LGR4: variants seen among roughly 807,000 people sequenced by gnomAD.
LGR4 encodes the protein leucine rich repeat containing G protein-coupled receptor 4.
In LGR4, 44 loss-of-function variants were observed where a neutral mutation model predicts 84.8. The observed-to-expected ratio is 0.52, with a 90% CI of 0.41 to 0.67. The LOEUF is 0.67. Ranked by LOEUF, LGR4 falls within the 30% of genes least tolerant of loss-of-function variation. The probability of loss-of-function intolerance (pLI) is 0.00; values close to 1 mark genes in which losing one functional copy is unlikely to be tolerated. For missense variants in LGR4, 1,032 were observed against 1,131.4 expected (o/e 0.91, Z 1.26); for synonymous variants, 429 against 434.3 (o/e 0.99, Z 0.15).
intron 1 of LGR4, among the ~76,000 whole-genome samples, chr11:27,423,572 C>A (rs1863963421): frequency 6.6e-6 from 1 of 152,204 alleles, no homozygotes; most frequent in Non-Finnish European, 1.5e-5. Flanking sequence ...TTTCTATTAA[C>A]TGTAAGACAA....
chr11:27,430,498 C>G (rs1009410417), intron 1 of LGR4, among the ~76,000 whole-genome samples: 1 of 152,200 alleles, frequency 6.6e-6, no homozygotes, highest in African/African-American at 2.4e-5. Flanking sequence ...CTGTGCTTCT[C>G]TGTTTTCTAA....
intron 2 of LGR4, among the ~76,000 whole-genome samples, chr11:27,408,549 C>T (rs1488951369): frequency 1.3e-5 from 2 of 152,082 alleles, no homozygotes; most frequent in African/African-American, 4.8e-5. Flanking sequence ...CCAACATTTT[C>T]ACAGCTCCAA....
intron 1 of LGR4, among the ~76,000 whole-genome samples, chr11:27,459,099 T>A (rs1354288444): frequency 3.3e-5 from 5 of 152,188 alleles, no homozygotes; most frequent in Non-Finnish European, 7.3e-5. Flanking sequence ...AAGGCAATAA[T>A]TTCTTTTAGC....
At chr11:27,403,849 T>A (rs984428810) in intron 2 of LGR4, among the ~76,000 whole-genome samples, 5 of 152,324 alleles carry the variant, frequency 3.3e-5, no homozygotes, top group South Asian at 2.1e-4. Context: ...ATGATTTTTT[T>A]AAAAAGCTGA....
chr11:27,376,645 T>C lies in LGR4; in HGVS notation c.1110-275A>G, dbSNP rs1023506182. Among the ~76,000 whole-genome samples the C allele has an allele frequency of 2.0e-5, 3 of 152,254 alleles. No homozygotes were observed. The South Asian group carries it at 6.2e-4, about 32-fold the overall frequency. On this transcript the variant is annotated intron_variant, in intron 12 of 17. Coordinates refer to ENST00000379214, the MANE Select transcript of LGR4 (RefSeq NM_018490.5). ...ATATTATACTGGGAATTAACTGGTA[T>C]GCTATCTAAATTCCCCCATCAACCC...
intron 7 of LGR4, 79 bp downstream of exon 7, chr11:27,382,109 T>C: frequency 1.1e-6 from 1 of 924,388 alleles, no homozygotes; most frequent in Non-Finnish European, 1.8e-6. Flanking sequence ...GAACAAGATG[T>C]TCTAAAATCC....
intron 1 of LGR4, among the ~76,000 whole-genome samples, chr11:27,437,660 A>AGTGTGTGTGTGTGT (rs10659033): frequency 0.015 from 2,077 of 140,066 alleles, 33 homozygotes; most frequent in Middle Eastern, 0.033. Context: ...TTAAAGGACT[A>AGTGTGTGTGTGTGT]GTGTGTGTGT....
intron 1 of LGR4, among the ~76,000 whole-genome samples, chr11:27,467,806 T>C (rs1295968972): frequency 6.6e-6 from 1 of 152,220 alleles, no homozygotes; most frequent in Non-Finnish European, 1.5e-5. Context: ...CATGGTTCAC[T>C]AGTTTGGAAA....
chr11:27,434,672 G>C (rs182044236), intron 1 of LGR4, among the ~76,000 whole-genome samples: 29 of 152,314 alleles, frequency 1.9e-4, no homozygotes, highest in African/African-American at 6.7e-4. Context: ...TTCCTACCAT[G>C]AATGTGACTC....
chr11:27,464,074 T>C (rs1864732972), intron 1 of LGR4, among the ~76,000 whole-genome samples: 1 of 152,244 alleles, frequency 6.6e-6, no homozygotes, highest in Non-Finnish European at 1.5e-5. Flanking sequence ...CTGCTTTCTC[T>C]TCCCTACTAC....
At chr11:27,427,111 T>C (rs576898206) in intron 1 of LGR4, among the ~76,000 whole-genome samples, 2 of 152,286 alleles carry the variant, frequency 1.3e-5, no homozygotes, top group East Asian at 3.9e-4. Context: ...CTTGGAGAAG[T>C]TTAATAAATT....
At chr11:27,410,547 T>C (rs1475142987) in intron 2 of LGR4, among the ~76,000 whole-genome samples, 1 of 152,088 alleles carries the variant, frequency 6.6e-6, no homozygotes, top group Non-Finnish European at 1.5e-5. Flanking sequence ...AATATTACAA[T>C]AGTCATGGCG....
intron 1 of LGR4, among the ~76,000 whole-genome samples, chr11:27,451,760 C>A (rs1189370871): frequency 6.6e-6 from 1 of 152,182 alleles, no homozygotes; most frequent in African/African-American, 2.4e-5. Flanking sequence ...AAGTAAAACA[C>A]CATTCAGCTA....
intron 3 of LGR4, 25 bp downstream of exon 3, chr11:27,392,422 G>A (rs745334251): frequency 3.9e-6 from 6 of 1,536,872 alleles, no homozygotes; most frequent in Non-Finnish European, 5.3e-6. Context: ...AGCCAGCTGT[G>A]AAACTCTAAA....
At chr11:27,456,110 G>T (rs2133449496) in intron 1 of LGR4, among the ~76,000 whole-genome samples, 1 of 152,228 alleles carries the variant, frequency 6.6e-6, no homozygotes. Flanking sequence ...TGCTTCCAGG[G>T]GAAGAAGACA....
intron 1 of LGR4, among the ~76,000 whole-genome samples, chr11:27,416,224 C>A (rs1863814375): frequency 6.6e-6 from 1 of 152,112 alleles, no homozygotes; most frequent in African/African-American, 2.4e-5. Flanking sequence ...AGGGCAATTT[C>A]CAGAGAGCTG....
intron 8 of LGR4, 72 bp downstream of exon 8, chr11:27,380,823 C>A: frequency 8.4e-7 from 1 of 1,190,036 alleles, no homozygotes; most frequent in Non-Finnish European, 1.2e-6. Context: ...CATTCTTTAT[C>A]AGGGTGTTTG....
intron 1 of LGR4, among the ~76,000 whole-genome samples, chr11:27,452,007 G>A (rs1006596964): frequency 1.3e-5 from 2 of 152,110 alleles, no homozygotes; most frequent in Non-Finnish European, 2.9e-5. Flanking sequence ...GCATGAAGCT[G>A]GGGGAAAAAA....
At position 27,392,523 on chromosome 11, in the gene LGR4, A is replaced by AC; in HGVS notation, c.258-6_258-5insG. The stretch of plus-strand genomic sequence containing the variant: ...AGGTCGTTGCCCGCCAATTGTCTAG[A>AC]GAAAAAAAAAAAAAAAGTAGCAAGA... On this transcript the variant is annotated splice_region_variant and splice_polypyrimidine_tract_variant and intron_variant, in intron 2 of 17. Transcript: ENST00000379214. The AC allele has an allele frequency of 3.9e-6, 6 of 1,528,990 alleles. No individual in the cohort carries two copies. The highest frequency in any genetic ancestry group is 1.4e-5 in the African/African-American group (1 of 70,360). 94.7% of individuals were successfully genotyped at this position (1,528,990 alleles called of 1,614,324 possible).
Sources: gnomAD v4.1 joint callset for allele counts (sites outside exome capture counted in the v4.1 genomes callset) on GRCh38, gnomAD v4.1.1 for gene constraint, MANE v1.5 for transcripts, NCBI Gene and HGNC (gene_info 2026-07-23, HGNC 2026-07-21) for gene names.